EVL: variants seen among roughly 807,000 people sequenced by gnomAD.
EVL encodes the protein Enah/Vasp-like.
In EVL, 21 loss-of-function variants were observed where a neutral mutation model predicts 59.6. That is an observed-to-expected ratio of 0.35 (90% CI 0.25 to 0.51). The LOEUF (loss-of-function observed/expected upper bound fraction) is 0.51. Ranked by LOEUF, EVL falls within the 20% of genes least tolerant of loss-of-function variation. The probability of loss-of-function intolerance (pLI) is 0.97; values close to 1 mark genes in which losing one functional copy is unlikely to be tolerated. For synonymous variants in EVL, 198 were observed against 203.5 expected, an observed-to-expected ratio of 0.97 and a Z score of 0.23; for missense variants, 462 against 546.6, an observed-to-expected ratio of 0.85 and a Z score of 1.54.
chr14:100,042,318 G>A (rs973594468), intron 1 of EVL, among the ~76,000 whole-genome samples: 2 of 152,168 alleles, frequency 1.3e-5, no homozygotes, highest in African/African-American at 4.8e-5. Flanking sequence ...GAGACAGAAA[G>A]TAACTAAGAC....
chr14:100,017,553 G>A (rs749911690), intron 1 of EVL, among the ~76,000 whole-genome samples: 5 of 152,170 alleles, frequency 3.3e-5, no homozygotes, highest in East Asian at 3.8e-4. Flanking sequence ...TGAGAGAGGC[G>A]TGGGCAGTAT....
At chr14:100,136,817 C>G (rs1888823397) in intron 9 of EVL, among the ~76,000 whole-genome samples, 1 of 152,184 alleles carries the variant, frequency 6.6e-6, no homozygotes, top group Non-Finnish European at 1.5e-5. Flanking sequence ...TTCCAACAGC[C>G]CAGTGAGTGG....
intron 1 of EVL, among the ~76,000 whole-genome samples, chr14:99,985,948 A>G (rs151132339): frequency 2.2e-4 from 33 of 152,234 alleles, no homozygotes; most frequent in African/African-American, 7.5e-4. Context: ...AACCCTGAAT[A>G]CAAAATGGAA....
intron 8 of EVL, chr14:100,134,630 G>GCTTCCT: frequency 6.6e-6 from 1 of 152,358 alleles, no homozygotes; most frequent in Admixed American, 6.5e-5. Flanking sequence ...CATGCTTCCT[G>GCTTCCT]GTATTTCCCC....
chr14:99,991,960 CTGTGTGTGTGTGTGTGTG>C lies in EVL; in HGVS notation c.5+19923_5+19940del, dbSNP rs58443751. On this transcript the variant is annotated intron_variant, in intron 1 of 13. Transcript: ENST00000402714. The stretch of plus-strand genomic sequence containing the variant: ...CCCCTGCATTGTTTGAGGGTCAACT[CTGTGTGTGTGTGTGTGTG>C]TGTGTGTGTGTGTGTGTGTCCAGTG... Among the ~76,000 whole-genome samples, 31 of 144,346 alleles carry C rather than the reference CTGTGTGTGTGTGTGTGTG, an allele frequency of 2.1e-4. No homozygotes were observed. In the South Asian group the frequency reaches 6.9e-3, roughly 32 times the overall value. The allele number at this position is 144,346 out of a possible 152,430, so 94.7% of individuals were successfully genotyped here.
intron 8 of EVL, chr14:100,135,517 G>C (rs771576172): frequency 2.7e-4 from 54 of 201,642 alleles, no homozygotes; most frequent in South Asian, 5.8e-4. Context: ...CCTATTACAC[G>C]GGCAGGTGTG....
At chr14:100,061,789 A>C (rs554602258), upstream of EVL, among the ~76,000 whole-genome samples, 62 of 152,278 alleles carry the variant, frequency 4.1e-4, no homozygotes, top group African/African-American at 1.5e-3. Flanking sequence ...AAGCTAGAGA[A>C]AAAATTTTAT....
chr14:99,984,780 A>T (rs1485077938), intron 1 of EVL, among the ~76,000 whole-genome samples: 3 of 151,798 alleles, frequency 2.0e-5, no homozygotes, highest in Non-Finnish European at 4.4e-5. Context: ...CACCCGGCTA[A>T]TTTTTTTGTA....
At chr14:99,986,222 G>A (rs551609175) in intron 1 of EVL, among the ~76,000 whole-genome samples, 1 of 150,374 alleles carries the variant, frequency 6.7e-6, no homozygotes, top group Non-Finnish European at 1.5e-5. Context: ...AACCTGGGAG[G>A]TGGAGGTTGT....
intron 1 of EVL, among the ~76,000 whole-genome samples, chr14:99,999,833 G>A (rs2060935004): frequency 6.6e-6 from 1 of 152,142 alleles, no homozygotes; most frequent in South Asian, 2.1e-4. Context: ...TGTTTTCTGG[G>A]ATCAACAGAT....
intron 1 of EVL, among the ~76,000 whole-genome samples, chr14:100,056,016 T>C (rs2061726341): frequency 6.6e-6 from 1 of 152,090 alleles, no homozygotes; most frequent in Admixed American, 6.6e-5. Context: ...TTCACCATGT[T>C]GGCCGGGCTG....
chr14:100,022,333 A>G (rs1241736903), intron 1 of EVL, among the ~76,000 whole-genome samples: 1 of 148,298 alleles, frequency 6.7e-6, no homozygotes, highest in Non-Finnish European at 1.5e-5. Context: ...GCTGGAGTGC[A>G]GTGGCACAAT....
chr14:100,000,492 C>T (rs550129552), intron 1 of EVL, among the ~76,000 whole-genome samples: 2 of 152,120 alleles, frequency 1.3e-5, no homozygotes, highest in East Asian at 1.9e-4. Flanking sequence ...GGACTACAAG[C>T]GCGTGCCATC....
At chr14:100,033,076 GC>G (rs1283291519) in intron 1 of EVL, among the ~76,000 whole-genome samples, 1 of 152,154 alleles carries the variant, frequency 6.6e-6, no homozygotes, top group Non-Finnish European at 1.5e-5. Context: ...TGATGGAAGT[GC>G]TGAATCCAGT....
chr14:100,141,268 C>G, intron 12 of EVL, 22 bp downstream of exon 12: 1 of 1,612,618 alleles, frequency 6.2e-7, no homozygotes, highest in East Asian at 2.2e-5. Flanking sequence ...CTGTGCCCTT[C>G]CCTCAAGAGG....
rs114324049 is a variant in EVL, at chr14:100,102,474, C to T, written c.358+4816C>T. ...CATTTTAGGAGTTGTTATTGTTATT[C>T]GTGTTTGTCATTCCTTGGACCTTTC... On this transcript the variant is annotated intron_variant, in intron 3 of 13. Transcript: ENST00000392920. 4.4e-3 allele frequency: 1,892 copies of T among 427,878 alleles called. 26 individuals carry two copies. Among genetic ancestry groups the T allele is most frequent in the African/African-American group, 0.034 (1,665 of 49,456 alleles). The allele number at this position is 427,878 out of a possible 1,614,324, so 26.5% of individuals were successfully genotyped here. A position where few individuals can be genotyped will look rare whatever the true frequency, so the allele number is the denominator to read the frequency against.
intron 1 of EVL, among the ~76,000 whole-genome samples, chr14:99,984,795 T>C (rs1208544211): frequency 6.6e-6 from 1 of 152,064 alleles, no homozygotes; most frequent in East Asian, 1.9e-4. Context: ...TTTGTATTTT[T>C]AGTAGAGACT....
At chr14:100,004,406 C>T (rs1369600050) in intron 1 of EVL, among the ~76,000 whole-genome samples, 1 of 152,086 alleles carries the variant, frequency 6.6e-6, no homozygotes, top group Non-Finnish European at 1.5e-5. Context: ...ATTACAATCT[C>T]TTATCATTTA....
At chr14:100,075,906 C>G (rs1027591790) in intron 1 of EVL, among the ~76,000 whole-genome samples, 4 of 152,154 alleles carry the variant, frequency 2.6e-5, no homozygotes, top group Non-Finnish European at 5.9e-5. Flanking sequence ...CTGATGTTCT[C>G]CCTTCCCATT....
Sources: allele counts gnomAD v4.1 joint callset (sites outside exome capture counted in the v4.1 genomes callset), GRCh38; gene constraint gnomAD v4.1.1; transcripts MANE v1.5; gene names NCBI Gene and HGNC (gene_info 2026-07-23, HGNC 2026-07-21).